Variants in SESN3 observed in about 807,000 individuals in gnomAD.
SESN3 encodes sestrin 3.
A neutral mutation model predicts 55.3 loss-of-function variants in SESN3; 21 were observed. The ratio of observed to expected loss-of-function variants is 0.38; its 90% CI spans 0.27 to 0.55. The LOEUF is 0.55. Ranked by LOEUF, SESN3 falls within the 20% of genes least tolerant of loss-of-function variation. SESN3 has a pLI of 0.76. For synonymous variants in SESN3, 181 were observed against 203.1 expected, an observed-to-expected ratio of 0.89 and a Z score of 0.93; for missense variants, 408 against 604.3, an observed-to-expected ratio of 0.68 and a Z score of 3.41.
At chr11:95,203,027 GAT>G (rs1860486641) in intron 1 of SESN3, among the ~76,000 whole-genome samples, 1 of 152,058 alleles carries the variant, frequency 6.6e-6, no homozygotes, top group South Asian at 2.1e-4. Context: ...GTCGATGGTT[GAT>G]AGTTACTAGT....
At position 95,230,921 on chromosome 11, in the gene SESN3, C is replaced by T; in HGVS notation, c.-61G>A. 8.4e-7 allele frequency: 1 copy of T among 1,190,012 alleles called. No individual in the cohort carries two copies. Among genetic ancestry groups the T allele is most frequent in the Non-Finnish European group, 1.1e-6 (1 of 878,966 alleles). The allele number at this position is 1,190,012 out of a possible 1,614,324, so 73.7% of individuals were successfully genotyped here. ...GGCCGGGTCCGGGCTGTCACTGCGG[C>T]CACTGCAGGGCCGGTCCGTCCCCCC... On this transcript the variant is annotated 5_prime_UTR_variant, in exon 1 of 10. Transcript: ENST00000536441. This position sits in a 1 kb window ranked among gnomAD's most constrained non-coding sequence, Gnocchi z 4.6.
intron 8 of SESN3, among the ~76,000 whole-genome samples, chr11:95,176,765 AT>A (rs1311330420): frequency 6.6e-6 from 1 of 152,156 alleles, no homozygotes; most frequent in Non-Finnish European, 1.5e-5. Flanking sequence ...TATTTATTGC[AT>A]TTAAATTGAG....
chr11:95,229,151 A>G (rs1166623367), intron 1 of SESN3, among the ~76,000 whole-genome samples: 1 of 152,228 alleles, frequency 6.6e-6, no homozygotes, highest in African/African-American at 2.4e-5. Context: ...CATGTCTTAA[A>G]TGACACATTT....
chr11:95,193,631 T>C (rs751068271), intron 1 of SESN3, 109 bp from the exon 2 acceptor site: 37 of 658,812 alleles, frequency 5.6e-5, no homozygotes, highest in Non-Finnish European at 8.4e-5. Flanking sequence ...AATAATTAAA[T>C]TATGTGAGAC....
At chr11:95,198,390 T>C (rs1860402829) in intron 1 of SESN3, among the ~76,000 whole-genome samples, 1 of 151,630 alleles carries the variant, frequency 6.6e-6, no homozygotes, top group Non-Finnish European at 1.5e-5. Context: ...CTATATTTTC[T>C]CAACAGATGC....
intron 1 of SESN3, among the ~76,000 whole-genome samples, chr11:95,196,474 A>C (rs1474188434): frequency 6.6e-6 from 1 of 151,658 alleles, no homozygotes; most frequent in African/African-American, 2.4e-5. Flanking sequence ...TTTTTTTAAG[A>C]TAAGACCATA....
chr11:95,228,560 A>G lies in SESN3; in HGVS notation c.78+2223T>C, dbSNP rs117492164. 5.2e-3 allele frequency among the ~76,000 whole-genome samples: 793 copies of G among 152,328 alleles called. 2 individuals are homozygous for G. Among genetic ancestry groups the G allele is most frequent in the Non-Finnish European group, 6.9e-3 (472 of 68,008 alleles). ...AGAAAAACATGTCTTTATTAGAAAT[A>G]AACTTTTCATTGTTATTTTAAGAAT... is the stretch of plus-strand genomic sequence containing the variant. On this transcript the variant is annotated intron_variant, in intron 1 of 9. Coordinates refer to ENST00000536441, the MANE Select transcript of SESN3 (RefSeq NM_144665.4).
intron 1 of SESN3, among the ~76,000 whole-genome samples, chr11:95,214,568 T>C (rs1017770531): frequency 6.6e-6 from 1 of 152,120 alleles, no homozygotes; most frequent in Non-Finnish European, 1.5e-5. Context: ...ACTCCATTTT[T>C]AATTGAAGAG....
In SESN3 at chr11:95,167,093, A is replaced by G. The variant is rs1018332974; in HGVS notation, c.*6162T>C. On this transcript the variant is annotated 3_prime_UTR_variant, in exon 10 of 10. Transcript: ENST00000536441. ...CTTGGGGAGCCAGTTGAAAATGTGTAAAGATATTAATTTAAGAAAGAGATG... is the reference window on the plus strand; with the variant it reads ...CTTGGGGAGCCAGTTGAAAATGTGTGAAGATATTAATTTAAGAAAGAGATG... 1 of 152,180 alleles carries G rather than the reference A, an allele frequency of 6.6e-6. No individual in the cohort carries two copies. Among genetic ancestry groups the G allele is most frequent in the Non-Finnish European group, 1.5e-5 (1 of 68,024 alleles). The allele number at this position is 152,180 out of a possible 1,614,324, so 9.4% of individuals were successfully genotyped here.
intron 1 of SESN3, among the ~76,000 whole-genome samples, chr11:95,212,650 T>C (rs1412016887): frequency 6.6e-6 from 1 of 152,152 alleles, no homozygotes; most frequent in Non-Finnish European, 1.5e-5. Context: ...AATATTCTGA[T>C]GAAATATTAA....
intron 1 of SESN3, among the ~76,000 whole-genome samples, chr11:95,210,463 G>T (rs181307537): frequency 5.3e-5 from 8 of 152,160 alleles, no homozygotes; most frequent in African/African-American, 1.9e-4. Context: ...AGCAGCAGAA[G>T]GATGATCTGA....
chr11:95,194,563 T>C (rs569165296), intron 1 of SESN3, among the ~76,000 whole-genome samples: 1 of 152,156 alleles, frequency 6.6e-6, no homozygotes, highest in South Asian at 2.1e-4. Flanking sequence ...ATAAATATAT[T>C]AAACAATAAT....
chr11:95,215,970 C>A (rs892426889), intron 1 of SESN3, among the ~76,000 whole-genome samples: 2 of 151,604 alleles, frequency 1.3e-5, no homozygotes, highest in African/African-American at 4.8e-5. Flanking sequence ...TGGTGGTGGG[C>A]GCCTGTAGTC....
Position 95,177,826 on chromosome 11 carries a change from C to G in SESN3, c.1140G>C (p.Arg380=). 1 of 1,603,562 alleles carries G rather than the reference C, an allele frequency of 6.2e-7. No homozygotes were observed. Among genetic ancestry groups the G allele is most frequent in the Non-Finnish European group, 8.5e-7 (1 of 1,177,160 alleles). Residue 380 remains arginine (R), a synonymous_variant, in exon 8 of 10, where the codon CGG becomes CGC. Coordinates refer to ENST00000536441, the MANE Select transcript of SESN3 (RefSeq NM_144665.4). The stretch of plus-strand genomic sequence containing the variant: ...TGTTATATGTGAGATTGTAGACCAT[C>G]CGAAACTTTTCATCAAGAAGATGTC... ...DIGHLLDEKF[R]MVYNLTYNTM... is the part of the protein sequence containing the mutation.
In SESN3 at chr11:95,190,096, T is replaced by C. The variant is rs908421835; in HGVS notation, c.343-135A>G. 19 of 616,380 alleles carry C rather than the reference T, an allele frequency of 3.1e-5. No homozygotes were observed. In the Admixed American group the frequency reaches 3.1e-4, roughly 10 times the overall value. 38.2% of individuals were successfully genotyped at this position (616,380 alleles called of 1,614,324 possible). ...CTCTTTTCTTACAGAATCCTTTTTC[T>C]AAAACATCCATCATAATGATGTAAT... On this transcript the variant is annotated intron_variant, in intron 3 of 9. Transcript: ENST00000536441.
intron 3 of SESN3, 96 bp downstream of exon 3, chr11:95,191,308 T>G: frequency 1.1e-6 from 1 of 915,524 alleles, no homozygotes; most frequent in Non-Finnish European, 1.8e-6. Flanking sequence ...AAATTATACT[T>G]AGCTCTATAC....
rs1591081349 is a variant in SESN3, at chr11:95,224,434, G to A, written c.78+6349C>T. Reference sequence around the variant, plus strand: ...ATCATTGTCAGTGATAAAAAGAATGGTCAGATCCAAAGATTACCTTGTCCA... The same window carrying A: ...ATCATTGTCAGTGATAAAAAGAATGATCAGATCCAAAGATTACCTTGTCCA... On this transcript the variant is annotated intron_variant, in intron 1 of 9. Coordinates refer to ENST00000536441, the MANE Select transcript of SESN3 (RefSeq NM_144665.4). 4 of 433,608 alleles carry A rather than the reference G, an allele frequency of 9.2e-6. 1 individual carries two copies. Among genetic ancestry groups the A allele is most frequent in the South Asian group, 6.7e-5 (4 of 59,856 alleles). The allele number at this position is 433,608 out of a possible 1,614,324, so 26.9% of individuals were successfully genotyped here.
At chr11:95,174,766 C>T (rs1479718074) in intron 9 of SESN3, among the ~76,000 whole-genome samples, 4 of 151,980 alleles carry the variant, frequency 2.6e-5, no homozygotes, top group African/African-American at 9.7e-5. Context: ...GGATTACAGG[C>T]GGGAGCCACT....
intron 8 of SESN3, among the ~76,000 whole-genome samples, chr11:95,177,082 C>G (rs1859971530): frequency 6.6e-6 from 1 of 152,224 alleles, no homozygotes; most frequent in South Asian, 2.1e-4. Flanking sequence ...GTTTTTCTGT[C>G]TGCTAATCTA....
Sources: gnomAD v4.1 joint callset for allele counts (sites outside exome capture counted in the v4.1 genomes callset) on GRCh38, gnomAD v4.1.1 for gene constraint, Gnocchi (gnomAD v3.1) non-coding constraint, MANE v1.5 for transcripts, NCBI Gene and HGNC (gene_info 2026-07-23, HGNC 2026-07-21) for gene names.